FBXW7: variants seen among roughly 807,000 people sequenced by gnomAD.
FBXW7 encodes the protein F-box and WD repeat domain containing 7.
A neutral mutation model predicts 86.3 loss-of-function variants in FBXW7; 11 were observed. The observed-to-expected ratio is 0.13, with a 90% CI of 0.08 to 0.21. The LOEUF (loss-of-function observed/expected upper bound fraction) is 0.21. FBXW7 is among the 10% of genes least tolerant of loss of function. FBXW7 has a pLI of 1.00. For missense variants in FBXW7, 488 were observed against 847.4 expected (o/e 0.58, Z 5.27); for synonymous variants, 313 against 297.9 (o/e 1.05, Z -0.52).
At chr4:152,510,955 C>G (rs1039982454) in intron 2 of FBXW7, among the ~76,000 whole-genome samples, 3 of 151,950 alleles carry the variant, frequency 2.0e-5, no homozygotes, top group Admixed American at 2.0e-4. Flanking sequence ...ACATTAAATA[C>G]CTACATATAC....
At chr4:152,432,293 A>G (rs1739967690) in intron 2 of FBXW7, among the ~76,000 whole-genome samples, 1 of 152,190 alleles carries the variant, frequency 6.6e-6, no homozygotes, top group African/African-American at 2.4e-5. Context: ...CATACCTGAT[A>G]TTAGAACAGG....
At chr4:152,336,687 T>C (rs1437591270) in intron 7 of FBXW7, among the ~76,000 whole-genome samples, 1 of 152,060 alleles carries the variant, frequency 6.6e-6, no homozygotes, top group Non-Finnish European at 1.5e-5. Context: ...AATTTTCTTC[T>C]GGGCCAAAGT....
intron 2 of FBXW7, among the ~76,000 whole-genome samples, chr4:152,423,392 A>T (rs1358207184): frequency 1.3e-5 from 2 of 152,192 alleles, no homozygotes; most frequent in Non-Finnish European, 2.9e-5. Flanking sequence ...ATAATATTTG[A>T]CAGTAAAAAC....
chr4:152,497,280 C>T (rs1746435969), intron 2 of FBXW7, among the ~76,000 whole-genome samples: 1 of 140,670 alleles, frequency 7.1e-6, no homozygotes, highest in Non-Finnish European at 1.5e-5. Context: ...CAAGATCGCA[C>T]CACTGCACTC....
chr4:152,364,162 G>C (rs540750699), intron 4 of FBXW7, among the ~76,000 whole-genome samples: 1 of 152,264 alleles, frequency 6.6e-6, no homozygotes, highest in African/African-American at 2.4e-5. Flanking sequence ...GCTTGGTTAA[G>C]AACTGCTCTT....
chr4:152,349,926 G>A (rs1361260493), intron 5 of FBXW7, 116 bp downstream of exon 5: 8 of 468,966 alleles, frequency 1.7e-5, no homozygotes. Context: ...CTCAAAATGT[G>A]TTAAACAGTC....
chr4:152,341,096 C>T lies in FBXW7; in HGVS notation c.727-3160G>A, dbSNP rs570593425. On this transcript the variant is annotated intron_variant, in intron 6 of 13. Coordinates refer to ENST00000281708, the MANE Select transcript of FBXW7 (RefSeq NM_001349798.2). The stretch of plus-strand genomic sequence containing the variant: ...TTCCTGTAACTCCCTAAGTGGTCTT[C>T]CAGCTTTCTACCTTCGGCTCTTCGT... Among the ~76,000 whole-genome samples, 4 of 152,304 alleles carry T rather than the reference C, an allele frequency of 2.6e-5. No homozygotes were observed. The South Asian group carries it at 8.3e-4, about 32-fold the overall frequency.
At chr4:152,502,318 T>C (rs1019954536) in intron 2 of FBXW7, among the ~76,000 whole-genome samples, 7 of 152,192 alleles carry the variant, frequency 4.6e-5, no homozygotes, top group African/African-American at 1.7e-4. Context: ...CTGTGACCAC[T>C]GTACTGCATA....
rs1227364077 is a variant in FBXW7 at position 152,346,921 on chromosome 4, A to T, written c.726+9T>A. On this transcript the variant is annotated intron_variant, in intron 6 of 13. Transcript: ENST00000281708. Reference sequence around the variant, plus strand: ...GAGGCATTTCAAGTACTATGTTTAGATATGTCACCTGAAACATTTTTAGCC... The same window carrying T: ...GAGGCATTTCAAGTACTATGTTTAGTTATGTCACCTGAAACATTTTTAGCC... 1 of 1,612,752 alleles carries T rather than the reference A, an allele frequency of 6.2e-7. No individual in the cohort carries two copies.
At chr4:152,517,061 G>A (rs182695705) in intron 2 of FBXW7, among the ~76,000 whole-genome samples, 302 of 152,220 alleles carry the variant, frequency 2.0e-3, no homozygotes, top group Non-Finnish European at 3.0e-3. Context: ...GAGCTCAAGC[G>A]ATCCACTCGC....
intron 2 of FBXW7, among the ~76,000 whole-genome samples, chr4:152,497,343 C>CA (rs769791117): frequency 0.015 from 1,293 of 85,476 alleles, 8 homozygotes; most frequent in Non-Finnish European, 0.02. Flanking sequence ...AAAAAAAAAA[C>CA]CACACACACA....
chr4:152,380,699 G>T (rs1038102577), intron 4 of FBXW7, among the ~76,000 whole-genome samples: 2 of 151,770 alleles, frequency 1.3e-5, no homozygotes, highest in African/African-American at 4.8e-5. Context: ...AATATATACT[G>T]TAACATAATG....
intron 4 of FBXW7, among the ~76,000 whole-genome samples, chr4:152,369,184 G>C (rs1237214821): frequency 1.3e-5 from 2 of 151,950 alleles, no homozygotes; most frequent in Non-Finnish European, 2.9e-5. Context: ...GTCTTATGAG[G>C]GCTTCATAAT....
chr4:152,418,969 A>C (rs142169157), intron 2 of FBXW7, among the ~76,000 whole-genome samples: 1 of 152,280 alleles, frequency 6.6e-6, no homozygotes, highest in Non-Finnish European at 1.5e-5. Flanking sequence ...AAAATTCAAA[A>C]ATAATAATTT....
At chr4:152,386,430 C>T (rs1276924619) in intron 4 of FBXW7, among the ~76,000 whole-genome samples, 4 of 151,650 alleles carry the variant, frequency 2.6e-5, no homozygotes, top group South Asian at 2.1e-4. Flanking sequence ...AGTAAGTGTT[C>T]GATAGTGTTA....
intron 4 of FBXW7, among the ~76,000 whole-genome samples, chr4:152,390,020 A>T (rs1045228390): frequency 1.6e-4 from 25 of 152,118 alleles, no homozygotes; most frequent in South Asian, 4.1e-4. Context: ...AATGATTTTT[A>T]AAAAAATTTT....
At chr4:152,448,650 A>G (rs1252811903) in intron 2 of FBXW7, among the ~76,000 whole-genome samples, 4 of 152,166 alleles carry the variant, frequency 2.6e-5, no homozygotes, top group Non-Finnish European at 4.4e-5. Flanking sequence ...GATGTCACAT[A>G]TATACTCAAA....
At chr4:152,349,924 G>A in intron 5 of FBXW7, 118 bp downstream of exon 5, 1 of 457,764 alleles carries the variant, frequency 2.2e-6, no homozygotes, top group Non-Finnish European at 3.8e-6. Flanking sequence ...ATCTCAAAAT[G>A]TGTTAAACAG....
intron 2 of FBXW7, among the ~76,000 whole-genome samples, chr4:152,475,153 A>G (rs940853688): frequency 6.6e-6 from 1 of 150,740 alleles, no homozygotes; most frequent in Admixed American, 6.6e-5. Flanking sequence ...AATAATGATA[A>G]TAAGAGGCCA....
Sources: allele counts gnomAD v4.1 joint callset (sites outside exome capture counted in the v4.1 genomes callset), GRCh38; gene constraint gnomAD v4.1.1; transcripts MANE v1.5; gene names NCBI Gene and HGNC (gene_info 2026-07-23, HGNC 2026-07-21).